Variants in PSD2 observed in about 807,000 individuals in gnomAD.
PSD2 encodes the protein pleckstrin and Sec7 domain containing 2, also known as PH and SEC7 domain-containing protein 2.
PSD2 carries 38 observed loss-of-function variants against 69.8 expected under a neutral mutation model. The observed-to-expected ratio is 0.54, with a 90% CI of 0.42 to 0.71. The LOEUF (loss-of-function observed/expected upper bound fraction) is 0.71, where lower values mean the gene tolerates loss of function less well. Ranked by LOEUF, PSD2 falls within the 30% of genes least tolerant of loss-of-function variation. PSD2 has a pLI of 0.00. For missense variants in PSD2, 943 were observed against 1,014.5 expected (o/e 0.93, Z 0.96); for synonymous variants, 412 against 423.0 (o/e 0.97, Z 0.32).
chr5:139,806,110 T>C (rs912535224), intron 1 of PSD2, among the ~76,000 whole-genome samples: 2 of 152,212 alleles, frequency 1.3e-5, no homozygotes, highest in African/African-American at 4.8e-5. Context: ...CCCAAGGTCA[T>C]TCCAAGGGCT....
In PSD2 at chr5:139,814,089, C is replaced by T; in HGVS notation, c.822-81C>T. 4.3e-6 allele frequency: 6 copies of T among 1,410,010 alleles called. No individual in the cohort carries two copies. The highest frequency in any genetic ancestry group is 3.9e-4 in the Middle Eastern group (2 of 5,182). 87.3% of individuals were successfully genotyped at this position (1,410,010 alleles called of 1,614,324 possible). On this transcript the variant is annotated intron_variant, in intron 3 of 14. Coordinates refer to ENST00000274710, the MANE Select transcript of PSD2 (RefSeq NM_032289.4). This position sits in a 1 kb window ranked among gnomAD's most constrained non-coding sequence, Gnocchi z 4.4. Reference sequence around the variant, plus strand: ...TGGCCCCTACATGGTTTGCAGTGGCCTGGGGAAACCTCCCAGCCTCCTCTG... The same window carrying T: ...TGGCCCCTACATGGTTTGCAGTGGCTTGGGGAAACCTCCCAGCCTCCTCTG...
chr5:139,792,656 G>A (rs547024590), upstream of PSD2, among the ~76,000 whole-genome samples: 33 of 152,276 alleles, frequency 2.2e-4, no homozygotes, highest in African/African-American at 7.0e-4. Flanking sequence ...GGGAAATATC[G>A]TCTATTCTGG....
the PSD2 span, among the ~76,000 whole-genome samples, chr5:139,778,632 A>G: frequency 8.5e-5 from 13 of 152,184 alleles, no homozygotes; most frequent in African/African-American, 3.1e-4. Flanking sequence ...TTCTTAGGAT[A>G]AATCCCTAGC....
the PSD2 span, among the ~76,000 whole-genome samples, chr5:139,750,986 C>T: frequency 1.3e-5 from 2 of 152,194 alleles, no homozygotes; most frequent in Non-Finnish European, 2.9e-5. Flanking sequence ...AAATTGGCTC[C>T]TGACTAATGG....
chr5:139,769,621 C>T, the PSD2 span, among the ~76,000 whole-genome samples: 1 of 152,336 alleles, frequency 6.6e-6, no homozygotes, highest in African/African-American at 2.4e-5. Flanking sequence ...CTGTCCAGCA[C>T]TTGCCCAGCC....
rs189317670 is a variant in PSD2, at chr5:139,837,292, C to T, written c.1665+54C>T. On this transcript the variant is annotated intron_variant, in intron 11 of 14. Coordinates refer to ENST00000274710, the MANE Select transcript of PSD2 (RefSeq NM_032289.4). The surrounding 1 kb of genome is among the most constrained non-coding windows in gnomAD (Gnocchi z 5.0). ...AGAAAGGGCCAGCTCAGTCCCATCC[C>T]GCCCTGGCCTTGTGGCACCCCGAAG... 202 of 1,543,868 alleles carry T rather than the reference C, an allele frequency of 1.3e-4. No individual in the cohort carries two copies. Among genetic ancestry groups the T allele is most frequent in the Middle Eastern group, 6.8e-4 (4 of 5,906 alleles).
upstream of PSD2, chr5:139,795,688 C>G (rs970922099): frequency 5.9e-4 from 89 of 151,716 alleles, no homozygotes; most frequent in African/African-American, 2.1e-3. The surrounding 1 kb of genome is among the most constrained non-coding windows in gnomAD (Gnocchi z 4.5). Flanking sequence ...CTGGGGGCCG[C>G]GCTTCCCTCC....
At chr5:139,810,607 G>A in intron 2 of PSD2, among the ~76,000 whole-genome samples, 1 of 152,222 alleles carries the variant, frequency 6.6e-6, no homozygotes, top group Admixed American at 6.5e-5. Context: ...GGTGGGGGGT[G>A]TTGGTGCCCC....
the PSD2 span, among the ~76,000 whole-genome samples, chr5:139,756,059 A>G: frequency 3.3e-5 from 5 of 152,128 alleles, no homozygotes; most frequent in Non-Finnish European, 5.9e-5. Context: ...AGGTGAGCGC[A>G]GCCCCCACCC....
chr5:139,833,886 C>T, intron 8 of PSD2, 95 bp downstream of exon 8: 1 of 940,708 alleles, frequency 1.1e-6, no homozygotes. Flanking sequence ...GCATTCCAGG[C>T]CGTTAACACA....
At chr5:139,792,321 T>C (rs192374479), upstream of PSD2, among the ~76,000 whole-genome samples, 671 of 151,984 alleles carry the variant, frequency 4.4e-3, 4 homozygotes, top group African/African-American at 0.015. Context: ...GTTTTAGGGG[T>C]CCTCTGAGTC....
At chr5:139,838,853 C>A in intron 13 of PSD2, 81 bp downstream of exon 13, 1 of 1,480,936 alleles carries the variant, frequency 6.8e-7, no homozygotes, top group Non-Finnish European at 9.3e-7. Flanking sequence ...CCCACCCCAG[C>A]TCTGTCTCTA....
chr5:139,837,571 G>A lies in PSD2; in HGVS notation c.1666-54G>A. 1 of 1,529,498 alleles carries A rather than the reference G, an allele frequency of 6.5e-7. No individual in the cohort carries two copies. 94.7% of individuals were successfully genotyped at this position (1,529,498 alleles called of 1,614,324 possible). A position where few individuals can be genotyped will look rare whatever the true frequency, so the allele number is the denominator to read the frequency against. ...TAGACAGAGAGCAGTGAGGGGAGGG[G>A]AGAGTGGAAGGTGTGGGTCAGTGAC... is the stretch of plus-strand genomic sequence containing the variant. On this transcript the variant is annotated intron_variant, in intron 11 of 14. Transcript: ENST00000274710. This position sits in a 1 kb window ranked among gnomAD's most constrained non-coding sequence, Gnocchi z 5.0.
intron 2 of PSD2, 124 bp downstream of exon 2, chr5:139,809,935 T>C (rs1759918574): frequency 6.5e-6 from 7 of 1,071,854 alleles, no homozygotes; most frequent in Admixed American, 2.6e-5. Context: ...GGATTTCATA[T>C]CCCTCTTTTG....
At chr5:139,810,877 G>A (rs890561568) in intron 2 of PSD2, among the ~76,000 whole-genome samples, 1 of 152,050 alleles carries the variant, frequency 6.6e-6, no homozygotes, top group Non-Finnish European at 1.5e-5. Context: ...GCTGGGGGCA[G>A]TTGGAGGCTT....
chr5:139,781,544 C>T, the PSD2 span, among the ~76,000 whole-genome samples: 1 of 151,966 alleles, frequency 6.6e-6, no homozygotes, highest in East Asian at 1.9e-4. Flanking sequence ...ACTGTGTTAG[C>T]CAGAGTGGTC....
At chr5:139,809,305 G>T (rs923528026) in intron 1 of PSD2, 86 bp from the exon 2 acceptor site, 1 of 1,045,870 alleles carries the variant, frequency 9.6e-7, no homozygotes, top group African/African-American at 1.6e-5. Flanking sequence ...CAGGCAGGCT[G>T]CTCTGCCACT....
Position 139,814,349 on chromosome 5 carries a change from G to A in PSD2, c.1001G>A (p.Arg334Gln), listed in dbSNP as rs1455253744. ...LEGFQRCDVA[R>Q]QLGKNNEFSR... ...GGCTTCCAGCGCTGTGATGTGGCCC[G>A]GCAGCTGGGCAAGAAGTGAGTGTGA... The change falls in exon 4 of 15, where the codon CGG (arginine) becomes CAG (glutamine). Residue 334 changes from arginine to glutamine, a missense_variant. Physicochemically the swap from Arg to Gln is conservative, Grantham distance 43 (BLOSUM62 1). Around this residue, in one of 3 missense-constraint regions of PSD2, gnomAD observed 312 missense variants for 400.7 expected, o/e 0.78. Transcript: ENST00000274710. This position sits in a 1 kb window ranked among gnomAD's most constrained non-coding sequence, Gnocchi z 4.4. 1.1e-5 allele frequency: 17 copies of A among 1,601,768 alleles called. No individual in the cohort carries two copies. The highest frequency in any genetic ancestry group is 5.4e-5 in the African/African-American group (4 of 74,292).
At chr5:139,826,758 C>T (rs1581730678) in intron 7 of PSD2, among the ~76,000 whole-genome samples, 1 of 152,294 alleles carries the variant, frequency 6.6e-6, no homozygotes, top group East Asian at 1.9e-4. Context: ...ATCAGCCTTA[C>T]CTCCAGTTAA....
Sources: allele counts gnomAD v4.1 joint callset (sites outside exome capture counted in the v4.1 genomes callset), GRCh38; gene constraint gnomAD v4.1.1; regional missense constraint gnomAD v4.1.1; non-coding constraint Gnocchi (gnomAD v3.1); transcripts MANE v1.5; gene names NCBI Gene and HGNC (gene_info 2026-07-23, HGNC 2026-07-21).